Variants in SGCD observed in about 807,000 individuals in gnomAD.
SGCD encodes the protein sarcoglycan delta.
A neutral mutation model predicts 36.6 loss-of-function variants in SGCD; 18 were observed. The observed-to-expected ratio is 0.49, with a 90% CI of 0.34 to 0.73. The LOEUF (loss-of-function observed/expected upper bound fraction) is 0.73, where lower values mean the gene tolerates loss of function less well. SGCD is among the 30% of genes least tolerant of loss of function. The pLI is 0.01. For synonymous variants in SGCD, 133 were observed against 130.6 expected (o/e 1.02, Z -0.12); for missense variants, 387 against 346.7 (o/e 1.12, Z -0.92).
chr5:156,060,620 A>G (rs1441112236), intron 1 of SGCD, among the ~76,000 whole-genome samples: 1 of 145,688 alleles, frequency 6.9e-6, no homozygotes. Context: ...ATGCTGGAAT[A>G]TATGTTGTTT....
In SGCD at chr5:156,505,751, A is replaced by G. The variant is rs565019607; in HGVS notation, c.193-2850A>G. ...AGGAATACATAAGAAATAACAAAGCATGTTCATAGTGTGTGTGTATATACA... is the reference window on the plus strand; with the variant it reads ...AGGAATACATAAGAAATAACAAAGCGTGTTCATAGTGTGTGTGTATATACA... On this transcript the variant is annotated intron_variant, in intron 3 of 8. Transcript: ENST00000337851. Among the ~76,000 whole-genome samples, 4 of 149,986 alleles carry G rather than the reference A, an allele frequency of 2.7e-5. No homozygotes were observed. The East Asian group carries it at 7.9e-4, about 30-fold the overall frequency.
chr5:156,560,280 C>T (rs867335990), intron 4 of SGCD, among the ~76,000 whole-genome samples: 1 of 152,186 alleles, frequency 6.6e-6, no homozygotes, highest in South Asian at 2.1e-4. Context: ...TTGCACCCTC[C>T]CGCAAGTTCT....
Position 156,757,610 on chromosome 5 carries a change from T to C in SGCD, c.605T>C (p.Met202Thr). ...GAGTCCCCAACCCGGTCTCTAGTGA[T>C]GGAGGCCCCAAAAGGAGTGGAAATC... ...RLESPTRSLV[M>T]EAPKGVEINA... is the part of the protein sequence containing the mutation. Residue 202 changes from methionine (M) to threonine (T), a missense_variant, in exon 8 of 9, where the codon ATG becomes ACG. By Grantham distance (81) the Met-to-Thr change is moderately conservative (BLOSUM62 -1). Transcript: ENST00000337851. The C allele has an allele frequency of 6.2e-7, 1 of 1,611,612 alleles. No homozygotes were observed. The highest frequency in any genetic ancestry group is 8.5e-7 in the Non-Finnish European group (1 of 1,178,798).
chr5:156,132,042 A>T lies in SGCD; in HGVS notation c.-44+8023A>T, dbSNP rs180791742. Among the ~76,000 whole-genome samples the T allele has an allele frequency of 1.2e-3, 187 of 152,360 alleles. 1 individual carries two copies. Among genetic ancestry groups the T allele is most frequent in the Admixed American group, 2.4e-3 (37 of 15,304 alleles). ...GTGCTTTTCCTATAAGGAAAAATTA[A>T]TTAGTCTATTACCAAGTTGCTATAT... On this transcript the variant is annotated intron_variant, in intron 3 of 9. Transcript: ENST00000517913.
intron 3 of SGCD, among the ~76,000 whole-genome samples, chr5:156,363,912 C>T (rs1305974866): frequency 6.6e-6 from 1 of 152,188 alleles, no homozygotes; most frequent in African/African-American, 2.4e-5. Flanking sequence ...GAAAAACTCA[C>T]TACCTGTCAC....
At chr5:156,276,263 G>A (rs1178994631) in intron 3 of SGCD, among the ~76,000 whole-genome samples, 1 of 152,158 alleles carries the variant, frequency 6.6e-6, no homozygotes, top group African/African-American at 2.4e-5. Flanking sequence ...TAAAAGACAT[G>A]AGAGTATCAT....
chr5:156,438,983 A>G (rs1321658745), intron 3 of SGCD, among the ~76,000 whole-genome samples: 1 of 152,160 alleles, frequency 6.6e-6, no homozygotes, highest in East Asian at 1.9e-4. Context: ...AAGGCAAGAA[A>G]TGTTAAGAAA....
chr5:156,534,041 T>C (rs1330098222), intron 4 of SGCD, among the ~76,000 whole-genome samples: 3 of 152,220 alleles, frequency 2.0e-5, no homozygotes. Flanking sequence ...TGTAACACTA[T>C]AAATTTGCGT....
At chr5:155,945,090 C>T (rs1757411392) in intron 1 of SGCD, among the ~76,000 whole-genome samples, 1 of 152,028 alleles carries the variant, frequency 6.6e-6, no homozygotes, top group Non-Finnish European at 1.5e-5. Flanking sequence ...GATAAATTTC[C>T]ACTTGTTTTC....
intron 4 of SGCD, among the ~76,000 whole-genome samples, chr5:156,577,862 A>G (rs1486351495): frequency 6.6e-6 from 1 of 152,190 alleles, no homozygotes; most frequent in African/African-American, 2.4e-5. Flanking sequence ...TCATCTGCAA[A>G]CAGGGACAAG....
At chr5:156,415,663 G>A (rs116418312) in intron 3 of SGCD, among the ~76,000 whole-genome samples, 290 of 152,284 alleles carry the variant, frequency 1.9e-3, no homozygotes, top group African/African-American at 6.9e-3. Flanking sequence ...CCAGATTAGA[G>A]CTCATTTTAG....
intron 3 of SGCD, among the ~76,000 whole-genome samples, chr5:156,244,114 TAAG>T (rs1765379928): frequency 6.6e-6 from 1 of 152,196 alleles, no homozygotes; most frequent in Non-Finnish European, 1.5e-5. Flanking sequence ...TAAAATGCAG[TAAG>T]AAGAGCACAA....
chr5:156,593,751 T>G (rs887064672), intron 5 of SGCD, among the ~76,000 whole-genome samples: 7 of 152,174 alleles, frequency 4.6e-5, no homozygotes, highest in African/African-American at 1.7e-4. Flanking sequence ...TAAACCCAAT[T>G]TGTTCAACAA....
chr5:156,555,716 C>T (rs1241934360), intron 4 of SGCD, among the ~76,000 whole-genome samples: 1 of 150,176 alleles, frequency 6.7e-6, no homozygotes, highest in Admixed American at 6.6e-5. Flanking sequence ...GAATTTTTGC[C>T]TTTCCATTTG....
rs888181299 is a variant in SGCD at position 156,587,466 on chromosome 5, G to A, written c.295-1765G>A. 5.1e-4 allele frequency among the ~76,000 whole-genome samples: 77 copies of A among 152,256 alleles called. 1 individual carries two copies. Among genetic ancestry groups the A allele is most frequent in the African/African-American group, 1.8e-3 (74 of 41,544 alleles). On this transcript the variant is annotated intron_variant, in intron 4 of 8. Transcript: ENST00000337851. ...TATGGTTGCTATCAAATACAAATAT[G>A]AAAATCTGCACCTTTCATACCAGGA...
intron 3 of SGCD, among the ~76,000 whole-genome samples, chr5:156,430,976 C>A (rs1291969007): frequency 2.0e-5 from 3 of 152,088 alleles, no homozygotes; most frequent in Non-Finnish European, 4.4e-5. Context: ...GGAGAGGTAT[C>A]CCTGGGTAGG....
chr5:156,384,980 C>T (rs1394603), intron 3 of SGCD, among the ~76,000 whole-genome samples: 11,084 of 152,180 alleles, frequency 0.073, 847 homozygotes, highest in East Asian at 0.17. Flanking sequence ...CGAAAGCACA[C>T]CAATGCTGGG....
At position 156,191,460 on chromosome 5, in the gene SGCD, T is replaced by C. The variant is rs528205381; in HGVS notation, c.-44+67441T>C. Among the ~76,000 whole-genome samples the C allele has an allele frequency of 2.0e-5, 3 of 152,246 alleles. No individual in the cohort carries two copies. In the South Asian group the frequency reaches 6.2e-4, roughly 32 times the overall value. The stretch of plus-strand genomic sequence containing the variant: ...GTTTCTAGGATGACTCTAAGTTATG[T>C]TCAGAATGTTAGGTATGTTGTTGGA... On this transcript the variant is annotated intron_variant, in intron 3 of 9. Transcript: ENST00000517913.
At chr5:156,225,543 C>A (rs1318984493) in intron 3 of SGCD, among the ~76,000 whole-genome samples, 1 of 152,120 alleles carries the variant, frequency 6.6e-6, no homozygotes, top group African/African-American at 2.4e-5. Context: ...GTGCCTCCGA[C>A]AATTTTGTCT....
Sources: gnomAD v4.1 joint callset for allele counts (sites outside exome capture counted in the v4.1 genomes callset) on GRCh38, gnomAD v4.1.1 for gene constraint, MANE v1.5 for transcripts, NCBI Gene and HGNC (gene_info 2026-07-23, HGNC 2026-07-21) for gene names.